Variants in S100A9 observed in about 807,000 individuals in gnomAD.
The protein encoded by S100A9 is protein S100-A9.
Under a neutral mutation model 4.3 loss-of-function variants are expected in S100A9, and 2 were observed. That is an observed-to-expected ratio of 0.47 (90% CI 0.19 to 1.48). S100A9 has a LOEUF of 1.48. S100A9 is among the 40% of genes most tolerant of loss of function. S100A9 has a pLI of 0.24. For synonymous variants in S100A9, 67 were observed against 54.0 expected (o/e 1.24, Z -1.06); for missense variants, 130 against 144.4 (o/e 0.90, Z 0.51).
At chr1:153,358,206 T>C in intron 1 of S100A9, 63 bp from the exon 2 acceptor site, 2 of 1,140,446 alleles carry the variant, frequency 1.8e-6, no homozygotes, top group South Asian at 3.4e-5. Flanking sequence ...TAGTAGGAAG[T>C]GTCAAAGAAG....
At chr1:153,358,171 T>G in intron 1 of S100A9, 98 bp from the exon 2 acceptor site, 1 of 747,766 alleles carries the variant, frequency 1.3e-6, no homozygotes, top group Non-Finnish European at 2.1e-6. Context: ...TATTTTGCAC[T>G]TCCCCCACTA....
chr1:153,358,162 AT>A (rs1163169224), intron 1 of S100A9, 106 bp from the exon 2 acceptor site: 1 of 677,588 alleles, frequency 1.5e-6, no homozygotes, highest in African/African-American at 1.8e-5. Context: ...CTTTCTTTTT[AT>A]TTTGCACTTC....
intron 2 of S100A9, 126 bp downstream of exon 2, chr1:153,358,559 C>T (rs1377066582): frequency 2.7e-6 from 2 of 732,310 alleles, no homozygotes; most frequent in East Asian, 5.5e-5. Context: ...CCCCAAGACG[C>T]AGCGAGTGTC....
At chr1:153,360,130 T>C (rs1661421581) in intron 2 of S100A9, among the ~76,000 whole-genome samples, 1 of 152,028 alleles carries the variant, frequency 6.6e-6, no homozygotes, top group South Asian at 2.1e-4. Context: ...CACTAATTGG[T>C]AACCTCCAGA....
chr1:153,360,969 A>T lies in S100A9; in HGVS notation c.*131A>T. 1 of 679,416 alleles carries T rather than the reference A, an allele frequency of 1.5e-6. No individual in the cohort carries two copies. The highest frequency in any genetic ancestry group is 2.5e-6 in the Non-Finnish European group (1 of 401,506). The allele number at this position is 679,416 out of a possible 1,614,324, so 42.1% of individuals were successfully genotyped here. On this transcript the variant is annotated 3_prime_UTR_variant, in exon 3 of 3. Coordinates refer to ENST00000368738, the MANE Select transcript of S100A9 (RefSeq NM_002965.4). ...CAGGGCCCCGGGGCCTGTTATGTCA[A>T]ACTGTCTTGGCTGTGGGGCTAGGGG...
At chr1:153,358,092 T>TA (rs1239587106) in intron 1 of S100A9, among the ~76,000 whole-genome samples, 177 bp from the exon 2 acceptor site, 1 of 152,234 alleles carries the variant, frequency 6.6e-6, no homozygotes, top group Admixed American at 6.5e-5. Context: ...GTAGATATTC[T>TA]AAAAAATCAT....
intron 2 of S100A9, among the ~76,000 whole-genome samples, 176 bp downstream of exon 2, chr1:153,358,609 C>T (rs897486350): frequency 1.3e-5 from 2 of 152,144 alleles, no homozygotes; most frequent in Non-Finnish European, 2.9e-5. Context: ...CACAGGACGA[C>T]AGGGTCAAGA....
intron 2 of S100A9, among the ~76,000 whole-genome samples, chr1:153,358,889 C>A (rs918969756): frequency 1.3e-5 from 2 of 152,052 alleles, no homozygotes; most frequent in African/African-American, 4.8e-5. Context: ...AGCTGAGCCC[C>A]GAATGTTGGG....
intron 1 of S100A9, 109 bp from the exon 2 acceptor site, chr1:153,358,160 T>G (rs1661379998): frequency 1.5e-6 from 1 of 668,064 alleles, no homozygotes; most frequent in Non-Finnish European, 2.5e-6. Flanking sequence ...TGCTTTCTTT[T>G]TATTTTGCAC....
intron 2 of S100A9, among the ~76,000 whole-genome samples, chr1:153,359,233 G>A (rs1661400958): frequency 6.6e-6 from 1 of 152,190 alleles, no homozygotes; most frequent in South Asian, 2.1e-4. Context: ...TTCCAGTCCC[G>A]GAGCCAGACA....
intron 2 of S100A9, among the ~76,000 whole-genome samples, chr1:153,359,164 A>G (rs1661400189): frequency 6.6e-6 from 1 of 151,986 alleles, no homozygotes; most frequent in African/African-American, 2.4e-5. Flanking sequence ...AAATTTGGGG[A>G]AAGTCGGGAA....
chr1:153,360,819 T>G lies in S100A9; in HGVS notation c.326T>G (p.Leu109Arg). ...EGPGHHHKPG[L>R]GEGTP ...CCTGGCCACCACCATAAGCCAGGCC[T>G]CGGGGAGGGCACCCCCTAAGACCAC... The change falls in exon 3 of 3, where the codon CTC (leucine) becomes CGC (arginine). Residue 109 changes from leucine to arginine, a missense_variant. Coordinates refer to ENST00000368738, the MANE Select transcript of S100A9 (RefSeq NM_002965.4). 6.2e-7 allele frequency: 1 copy of G among 1,609,778 alleles called. No individual in the cohort carries two copies. The highest frequency in any genetic ancestry group is 8.5e-7 in the Non-Finnish European group (1 of 1,177,772).
intron 2 of S100A9, among the ~76,000 whole-genome samples, chr1:153,359,473 A>G (rs1380326949): frequency 6.6e-6 from 1 of 151,314 alleles, no homozygotes; most frequent in Non-Finnish European, 1.5e-5. Flanking sequence ...GACATCCCCC[A>G]CCAGAAGCAA....
intron 2 of S100A9, among the ~76,000 whole-genome samples, chr1:153,358,929 A>C (rs1286777149): frequency 6.6e-6 from 1 of 152,042 alleles, no homozygotes; most frequent in African/African-American, 2.4e-5. Context: ...GACACTTGGC[A>C]CAAAGCTGAG....
At chr1:153,360,589 C>A in intron 2 of S100A9, 55 bp from the exon 3 acceptor site, 1 of 1,216,280 alleles carries the variant, frequency 8.2e-7, no homozygotes, top group South Asian at 1.4e-5. Flanking sequence ...ACTGTGCTCC[C>A]AGTCCCCACC....
In S100A9 at chr1:153,360,788, G is replaced by A. The variant is rs143906646; in HGVS notation, c.295G>A (p.Glu99Lys). The A allele has an allele frequency of 5.5e-4, 882 of 1,613,764 alleles. 8 individuals are homozygous for A. In the East Asian group the frequency reaches 0.016, roughly 30 times the overall value. Residue 99 changes from glutamate to lysine, a missense_variant, in exon 3 of 3, where the codon GAG (glutamate) becomes AAG (lysine). By Grantham distance (56) the Glu-to-Lys change is moderately conservative. Coordinates refer to ENST00000368738, the MANE Select transcript of S100A9 (RefSeq NM_002965.4). ...ASHEKMHEGD[E>K]GPGHHHKPGL... ...CCACGAGAAGATGCACGAGGGTGAC[G>A]AGGGCCCTGGCCACCACCATAAGCC... is the stretch of plus-strand genomic sequence containing the variant.
At chr1:153,359,985 G>A (rs779087682) in intron 2 of S100A9, among the ~76,000 whole-genome samples, 11 of 151,978 alleles carry the variant, frequency 7.2e-5, no homozygotes, top group Admixed American at 2.0e-4. Context: ...CACCCTGTCC[G>A]ACCATCTCCC....
intron 2 of S100A9, among the ~76,000 whole-genome samples, chr1:153,358,671 G>A (rs1291756589): frequency 6.6e-6 from 1 of 152,198 alleles, no homozygotes; most frequent in Non-Finnish European, 1.5e-5. Context: ...TGGGCAGAGG[G>A]ATGTAGTGGT....
At position 153,358,292 on chromosome 1, in the gene S100A9, C is replaced by A; in HGVS notation, c.9C>A (p.Cys3Ter). The A allele has an allele frequency of 1.3e-6, 2 of 1,596,284 alleles. No homozygotes were observed. Among genetic ancestry groups the A allele is most frequent in the Non-Finnish European group, 1.7e-6 (2 of 1,168,212 alleles). ...AGACAGAGTGCAAGACGATGACTTG[C>A]AAAATGTCGCAGCTGGAACGCAACA... MT[C>*]KMSQLERNIE... Residue 3 changes from cysteine to a stop codon, truncating the protein, a stop_gained, in exon 2 of 3, where the codon TGC (cysteine) becomes TGA (stop). Transcript: ENST00000368738. LOFTEE classifies it high-confidence loss of function.
Sources: gnomAD v4.1 joint callset for allele counts (sites outside exome capture counted in the v4.1 genomes callset) on GRCh38, gnomAD v4.1.1 for gene constraint, MANE v1.5 for transcripts, NCBI Gene and HGNC (gene_info 2026-07-23, HGNC 2026-07-21) for gene names.